The following DLGAP2 variants were observed in gnomAD, a reference collection of about 807,000 sequenced individuals.
The protein encoded by DLGAP2 is DLG associated protein 2.
Under a neutral mutation model 100.3 loss-of-function variants are expected in DLGAP2, and 26 were observed. The ratio of observed to expected loss-of-function variants is 0.26; its 90% CI spans 0.19 to 0.36. DLGAP2 has a LOEUF of 0.36. DLGAP2 is among the 10% of genes least tolerant of loss of function. The pLI is 1.00. For missense variants in DLGAP2, 1,858 were observed against 1,453.2 expected, an observed-to-expected ratio of 1.28 and a Z score of -4.53; for synonymous variants, 886 against 630.1, an observed-to-expected ratio of 1.41 and a Z score of -6.08.
intron 3 of DLGAP2, among the ~76,000 whole-genome samples, chr8:1,322,939 C>G (rs190766029): frequency 5.3e-5 from 8 of 152,230 alleles, no homozygotes; most frequent in African/African-American, 1.7e-4. Flanking sequence ...TTATTAACTC[C>G]TTGTAAGTTG....
chr8:1,105,050 G>C (rs1804711415), intron 2 of DLGAP2: 1 of 152,254 alleles, frequency 6.6e-6, no homozygotes, highest in South Asian at 2.1e-4. Context: ...GGGAGAACCA[G>C]GCAGGAAGCC....
intron 1 of DLGAP2, among the ~76,000 whole-genome samples, chr8:763,780 T>C (rs949267069): frequency 2.6e-5 from 4 of 152,096 alleles, no homozygotes; most frequent in Admixed American, 2.0e-4. Context: ...AACCCGATAC[T>C]TGGTGGTAGA....
At chr8:947,257 G>T (rs533798952) in intron 2 of DLGAP2, among the ~76,000 whole-genome samples, 1 of 152,176 alleles carries the variant, frequency 6.6e-6, no homozygotes, top group Admixed American at 6.5e-5. Context: ...GGAATCTCCC[G>T]GGGTCCACTC....
At chr8:1,429,467 C>T (rs1797345496) in intron 3 of DLGAP2, among the ~76,000 whole-genome samples, 1 of 152,088 alleles carries the variant, frequency 6.6e-6, no homozygotes, top group Non-Finnish European at 1.5e-5. Flanking sequence ...AAACAAAGTA[C>T]AGGAGACATA....
At chr8:972,698 T>G (rs529002702) in intron 2 of DLGAP2, among the ~76,000 whole-genome samples, 1 of 152,072 alleles carries the variant, frequency 6.6e-6, no homozygotes, top group African/African-American at 2.4e-5. Flanking sequence ...AGGACAATAG[T>G]GGAGGAAAGA....
At chr8:1,487,005 C>T (rs1799250790) in intron 3 of DLGAP2, among the ~76,000 whole-genome samples, 1 of 152,204 alleles carries the variant, frequency 6.6e-6, no homozygotes, top group African/African-American at 2.4e-5. Context: ...ACAGTCATTT[C>T]TTGGTGAAGT....
At chr8:1,415,386 G>A (rs1039903149) in intron 3 of DLGAP2, among the ~76,000 whole-genome samples, 1 of 152,134 alleles carries the variant, frequency 6.6e-6, no homozygotes, top group African/African-American at 2.4e-5. Flanking sequence ...TGACACTGAA[G>A]TTTGAGGTGC....
chr8:1,583,435 G>T (rs1796011736), intron 6 of DLGAP2, among the ~76,000 whole-genome samples: 1 of 152,182 alleles, frequency 6.6e-6, no homozygotes, highest in Non-Finnish European at 1.5e-5. Context: ...CTGGCCTGGG[G>T]ATCTCCTAGC....
intron 1 of DLGAP2, among the ~76,000 whole-genome samples, chr8:801,487 T>G (rs951225108): frequency 2.6e-5 from 4 of 152,228 alleles, no homozygotes; most frequent in African/African-American, 9.6e-5. Context: ...TCAGAGCATG[T>G]GCGTTAATGA....
intron 3 of DLGAP2, among the ~76,000 whole-genome samples, chr8:1,289,139 G>T (rs1800003600): frequency 6.6e-6 from 1 of 152,266 alleles, no homozygotes; most frequent in Non-Finnish European, 1.5e-5. Flanking sequence ...GCTGTTTTTA[G>T]CCTGGAGAAA....
chr8:1,572,211 G>T (rs1482193238), intron 6 of DLGAP2, among the ~76,000 whole-genome samples: 1 of 135,352 alleles, frequency 7.4e-6, no homozygotes, highest in African/African-American at 2.9e-5. Context: ...GTGAACTGTG[G>T]GGGCATCTGA....
chr8:1,081,742 G>T (rs1261126279), intron 2 of DLGAP2, among the ~76,000 whole-genome samples: 1 of 152,040 alleles, frequency 6.6e-6, no homozygotes, highest in African/African-American at 2.4e-5. Context: ...TATAGGCAGG[G>T]CACCCAAAGT....
chr8:1,317,247 G>A (rs373652346), intron 3 of DLGAP2, among the ~76,000 whole-genome samples: 2 of 101,552 alleles, frequency 2.0e-5, no homozygotes, highest in South Asian at 3.6e-4. Context: ...AAAATAGAGC[G>A]TGTGCGAGTG....
At chr8:1,388,270 G>A (rs577278102) in intron 3 of DLGAP2, among the ~76,000 whole-genome samples, 3 of 117,654 alleles carry the variant, frequency 2.5e-5, no homozygotes, top group African/African-American at 3.4e-5. Flanking sequence ...ATGAGGAGGC[G>A]CTGGTTCAGG....
rs568247523 is a variant in DLGAP2, at chr8:1,704,608, T to TA, written c.*3209dup. 2 of 152,176 alleles carry TA rather than the reference T, an allele frequency of 1.3e-5. No homozygotes were observed. The highest frequency in any genetic ancestry group is 2.4e-5 in the African/African-American group (1 of 41,428). The allele number at this position is 152,176 out of a possible 1,614,324, so 9.4% of individuals were successfully genotyped here. On this transcript the variant is annotated 3_prime_UTR_variant, in exon 15 of 15. Coordinates refer to ENST00000637795, the MANE Select transcript of DLGAP2 (RefSeq NM_001346810.2). Reference sequence around the variant, plus strand: ...TATATCACCATCTTAGAATGGTATATAAAAAAATTGAACTGTTTATGATAC... The same window carrying TA: ...TATATCACCATCTTAGAATGGTATATAAAAAAAATTGAACTGTTTATGATAC...
At chr8:1,464,886 T>A (rs527521387) in intron 3 of DLGAP2, among the ~76,000 whole-genome samples, 9 of 151,950 alleles carry the variant, frequency 5.9e-5, no homozygotes, top group South Asian at 4.2e-4. Flanking sequence ...ATAGAATCAC[T>A]CTTCACAAAA....
intron 3 of DLGAP2, among the ~76,000 whole-genome samples, chr8:1,339,057 C>T (rs1033568403): frequency 1.3e-5 from 2 of 151,666 alleles, no homozygotes; most frequent in African/African-American, 2.4e-5. Context: ...GCAGTGACCT[C>T]AGTGAGGCAT....
chr8:1,289,081 C>T (rs143904414), intron 3 of DLGAP2, among the ~76,000 whole-genome samples: 2 of 152,288 alleles, frequency 1.3e-5, no homozygotes, highest in Admixed American at 6.5e-5. Context: ...TGTCTGGGAA[C>T]TGGCAATGCT....
intron 3 of DLGAP2, among the ~76,000 whole-genome samples, chr8:1,345,261 C>T (rs571945565): frequency 2.6e-5 from 4 of 151,752 alleles, no homozygotes; most frequent in Admixed American, 2.0e-4. Flanking sequence ...GCAGAGTGTG[C>T]GGTCTGTTTC....
Sources: gnomAD v4.1 joint callset for allele counts (sites outside exome capture counted in the v4.1 genomes callset) on GRCh38, gnomAD v4.1.1 for gene constraint, MANE v1.5 for transcripts, NCBI Gene and HGNC (gene_info 2026-07-23, HGNC 2026-07-21) for gene names.